Variants in SYNRG observed in about 807,000 individuals in gnomAD.
The protein encoded by SYNRG is AP1 gamma subunit binding protein 1.
In SYNRG, 37 loss-of-function variants were observed where a neutral mutation model predicts 130.9. The observed-to-expected ratio is 0.28, with a 90% CI of 0.22 to 0.37. The LOEUF (loss-of-function observed/expected upper bound fraction) is 0.37, where lower values mean the gene tolerates loss of function less well. Among genes scored for constraint, SYNRG ranks in the 10% least tolerant of loss-of-function variants. The pLI is 1.00. For synonymous variants in SYNRG, 539 were observed against 568.1 expected (o/e 0.95, Z 0.73); for missense variants, 1,338 against 1,588.9 (o/e 0.84, Z 2.68).
At chr17:37,539,768 A>C (rs1271633278) in intron 16 of SYNRG, among the ~76,000 whole-genome samples, 1 of 152,242 alleles carries the variant, frequency 6.6e-6, no homozygotes, top group Non-Finnish European at 1.5e-5. Context: ...CATGCTTTCC[A>C]GCAGCTTCCC....
intron 3 of SYNRG, among the ~76,000 whole-genome samples, chr17:37,593,470 C>T (rs2062390105): frequency 6.6e-6 from 1 of 151,910 alleles, no homozygotes; most frequent in African/African-American, 2.4e-5. Flanking sequence ...CTTTTATCTC[C>T]AAAGACTTAA....
intron 19 of SYNRG, among the ~76,000 whole-genome samples, chr17:37,531,234 A>G (rs3094499): frequency 0.19 from 29,529 of 152,116 alleles, 3,338 homozygotes; most frequent in East Asian, 0.58. Flanking sequence ...CCCTGTCTCT[A>G]AACAATGAAC....
intron 1 of SYNRG, among the ~76,000 whole-genome samples, chr17:37,603,031 TCAAAA>T (rs569309142): frequency 5.5e-4 from 84 of 152,062 alleles, no homozygotes; most frequent in African/African-American, 1.9e-3. Flanking sequence ...AGACTCTGTC[TCAAAA>T]CAAAACAAAA....
intron 1 of SYNRG, among the ~76,000 whole-genome samples, chr17:37,607,955 C>CAAAAAAAAAAAAAAAAAA (rs67822733): frequency 2.0e-5 from 1 of 51,122 alleles, no homozygotes; most frequent in Non-Finnish European, 4.4e-5. Context: ...GACTTCCTCT[C>CAAAAAAAAAAAAAAAAAA]AAAAAAAAAA....
intron 19 of SYNRG, among the ~76,000 whole-genome samples, chr17:37,525,474 C>T (rs2055722466): frequency 6.6e-6 from 1 of 152,192 alleles, no homozygotes; most frequent in Non-Finnish European, 1.5e-5. Context: ...TAGGATGGGC[C>T]TTCCCTGCCC....
intron 19 of SYNRG, among the ~76,000 whole-genome samples, chr17:37,533,202 A>C (rs1270789716): frequency 6.6e-6 from 1 of 152,176 alleles, no homozygotes; most frequent in African/African-American, 2.4e-5. Flanking sequence ...GGAGTTTGAG[A>C]CCAGCCTGGC....
At chr17:37,590,600 A>G (rs2062086211) in intron 3 of SYNRG, among the ~76,000 whole-genome samples, 1 of 152,222 alleles carries the variant, frequency 6.6e-6, no homozygotes, top group African/African-American at 2.4e-5. Context: ...ATTGCTCATG[A>G]GTATACAAAT....
intron 3 of SYNRG, among the ~76,000 whole-genome samples, chr17:37,587,096 T>C (rs1156979075): frequency 6.6e-6 from 1 of 152,170 alleles, no homozygotes; most frequent in Admixed American, 6.5e-5. Context: ...ATTATAAAGT[T>C]TGTTAAAGTG....
chr17:37,573,537 T>G (rs1387671226), intron 8 of SYNRG, among the ~76,000 whole-genome samples: 4 of 152,148 alleles, frequency 2.6e-5, no homozygotes, highest in Non-Finnish European at 5.9e-5. Context: ...CTCCAAAATA[T>G]ACCAAGATCT....
chr17:37,580,583 T>A (rs2061250306), intron 6 of SYNRG, among the ~76,000 whole-genome samples: 1 of 150,224 alleles, frequency 6.7e-6, no homozygotes. Flanking sequence ...CGCCCAGACT[T>A]GAGTGCAGTG....
At chr17:37,571,767 T>C in intron 9 of SYNRG, 24 bp downstream of exon 9, 1 of 1,574,212 alleles carries the variant, frequency 6.4e-7, no homozygotes, top group South Asian at 1.2e-5. Context: ...AGTTATTTGA[T>C]CTAACTTAAG....
chr17:37,556,965 C>T (rs1057462995), intron 13 of SYNRG, among the ~76,000 whole-genome samples: 1 of 152,138 alleles, frequency 6.6e-6, no homozygotes, highest in Non-Finnish European at 1.5e-5. Context: ...GAATTGTAAA[C>T]TTTTCCATTG....
At chr17:37,600,103 C>T (rs2063136327) in intron 2 of SYNRG, among the ~76,000 whole-genome samples, 1 of 152,174 alleles carries the variant, frequency 6.6e-6, no homozygotes, top group Non-Finnish European at 1.5e-5. Context: ...AGTCTTTCAC[C>T]TCTGAGGTTA....
rs1044026681 is a variant in SYNRG, at chr17:37,516,666, T to A, written c.*2274A>T. On this transcript the variant is annotated 3_prime_UTR_variant, in exon 22 of 22. Coordinates refer to ENST00000612223, the MANE Select transcript of SYNRG (RefSeq NM_007247.6). ...TACAAATTCAAACTGGGAAACTTTT[T>A]TTTTTTTTTTTTTAAGAGACAGTGT... 1 of 151,368 alleles carries A rather than the reference T, an allele frequency of 6.6e-6. No individual in the cohort carries two copies. Among genetic ancestry groups the A allele is most frequent in the African/African-American group, 2.4e-5 (1 of 40,830 alleles). The allele number at this position is 151,368 out of a possible 1,614,324, so 9.4% of individuals were successfully genotyped here. A position where few individuals can be genotyped will look rare whatever the true frequency, so the allele number is the denominator to read the frequency against.
chr17:37,604,107 G>A (rs1220667957), intron 1 of SYNRG, among the ~76,000 whole-genome samples: 1 of 152,090 alleles, frequency 6.6e-6, no homozygotes, highest in Non-Finnish European at 1.5e-5. Flanking sequence ...TGGCGTGGTG[G>A]TGCGTGCCTG....
intron 8 of SYNRG, among the ~76,000 whole-genome samples, chr17:37,575,572 G>A (rs773836870): frequency 1.6e-4 from 24 of 151,612 alleles, no homozygotes; most frequent in Non-Finnish European, 7.4e-5. Flanking sequence ...CAGGTGCAGT[G>A]GCTCACACCT....
At chr17:37,519,644 TA>T (rs34802015) in intron 21 of SYNRG, among the ~76,000 whole-genome samples, 1,960 of 151,038 alleles carry the variant, frequency 0.013, 48 homozygotes, top group African/African-American at 0.045. Flanking sequence ...GGTATGGAGT[TA>T]AAAAAAAATG....
At chr17:37,585,510 A>G in intron 4 of SYNRG, 80 bp from the exon 5 acceptor site, 1 of 978,092 alleles carries the variant, frequency 1.0e-6, no homozygotes, top group Non-Finnish European at 1.6e-6. Flanking sequence ...TAACAGTTTC[A>G]GCAATATCAT....
intron 13 of SYNRG, among the ~76,000 whole-genome samples, chr17:37,559,369 A>C (rs2059355164): frequency 6.6e-6 from 1 of 152,118 alleles, no homozygotes; most frequent in Admixed American, 6.5e-5. Flanking sequence ...CAAGTACCGC[A>C]ACAACAATAG....
Sources: gnomAD v4.1 joint callset for allele counts (sites outside exome capture counted in the v4.1 genomes callset) on GRCh38, gnomAD v4.1.1 for gene constraint, MANE v1.5 for transcripts, NCBI Gene and HGNC (gene_info 2026-07-23, HGNC 2026-07-21) for gene names.